CACNA1A: variants seen among roughly 807,000 people sequenced by gnomAD.
The protein encoded by CACNA1A is voltage-dependent P/Q-type calcium channel subunit alpha-1A.
CACNA1A carries 57 observed loss-of-function variants against 262.4 expected under a neutral mutation model. The ratio of observed to expected loss-of-function variants is 0.22; its 90% confidence interval spans 0.18 to 0.27. The LOEUF (loss-of-function observed/expected upper bound fraction) is 0.27. Among genes scored for constraint, CACNA1A ranks in the 10% least tolerant of loss-of-function variants. The probability of loss-of-function intolerance (pLI) is 1.00; values close to 1 mark genes in which losing one functional copy is unlikely to be tolerated. For synonymous variants in CACNA1A, 1,431 were observed against 1,419.3 expected (o/e 1.01, Z -0.18); for missense variants, 2,526 against 3,562.8 (o/e 0.71, Z 7.41).
At chr19:13,335,959 T>C (rs2058558506) in intron 6 of CACNA1A, 50 bp from the exon 7 acceptor site, 2 of 1,100,136 alleles carry the variant, frequency 1.8e-6, no homozygotes, top group Non-Finnish European at 2.7e-6. Flanking sequence ...GGGACTCAGA[T>C]AGAACCTGAC....
chr19:13,339,755 T>C (rs1405287706), intron 6 of CACNA1A, among the ~76,000 whole-genome samples: 3 of 150,782 alleles, frequency 2.0e-5, no homozygotes, highest in Non-Finnish European at 2.9e-5. Flanking sequence ...TTTTATGTCA[T>C]GTGTGTTTTG....
intron 4 of CACNA1A, among the ~76,000 whole-genome samples, chr19:13,369,422 G>C (rs1364926645): frequency 6.6e-6 from 1 of 152,116 alleles, no homozygotes; most frequent in East Asian, 1.9e-4. Flanking sequence ...ATCTCCTGCT[G>C]TCTCTCCCAA....
At chr19:13,344,736 TTTTA>T (rs5827191) in intron 6 of CACNA1A, among the ~76,000 whole-genome samples, 68,431 of 135,292 alleles carry the variant, frequency 0.51, 16,571 homozygotes, top group Non-Finnish European at 0.56. Context: ...GGATCATTTA[TTTTA>T]TTTATTTATT....
At chr19:13,251,777 T>C (rs2056405832) in intron 30 of CACNA1A, among the ~76,000 whole-genome samples, 1 of 152,128 alleles carries the variant, frequency 6.6e-6, no homozygotes, top group Non-Finnish European at 1.5e-5. Context: ...TTTTTATTAT[T>C]ATTATTTTTT....
chr19:13,495,627 C>G (rs1360329310), intron 1 of CACNA1A, among the ~76,000 whole-genome samples: 19 of 152,142 alleles, frequency 1.2e-4, no homozygotes, highest in Admixed American at 9.2e-4. Context: ...GGAAAAGGTA[C>G]AAATAAGGTG....
chr19:13,295,007 G>A (rs1349432885), intron 19 of CACNA1A, among the ~76,000 whole-genome samples: 1 of 152,156 alleles, frequency 6.6e-6, no homozygotes, highest in Non-Finnish European at 1.5e-5. Context: ...ACATGCTGTT[G>A]TTAGACTGAA....
At chr19:13,332,415 A>AAAAG (rs1367044758) in intron 9 of CACNA1A, among the ~76,000 whole-genome samples, 2 of 151,874 alleles carry the variant, frequency 1.3e-5, no homozygotes, top group Non-Finnish European at 2.9e-5. Context: ...AAAAAAAAAG[A>AAAAG]AAAGAAAGAA....
chr19:13,207,710 G>T lies in CACNA1A; in HGVS notation c.7124C>A (p.Ala2375Asp), dbSNP rs2054617959. Residue 2375 changes from alanine (A) to aspartate (D), a missense_variant, in exon 47 of 47, where the codon GCC (alanine) becomes GAC (aspartate). By Grantham distance (126) the Ala-to-Asp change is moderately radical (BLOSUM62 -2). Transcript: ENST00000360228. This position sits in a 1 kb window ranked among gnomAD's most constrained non-coding sequence, Gnocchi z 5.7. ...PRMERRVPGPARSESPRACRH... is the reference protein window; with the variant it reads ...PRMERRVPGPDRSESPRACRH... ...ACAGGCCCTGGGGGACTCGCTCCGG[G>T]CCGGGCCTGGGACCCGCCTCTCCAT... 7.3e-7 allele frequency: 1 copy of T among 1,362,724 alleles called. No homozygotes were observed. Among genetic ancestry groups the T allele is most frequent in the African/African-American group, 1.5e-5 (1 of 65,542 alleles). 84.4% of individuals were successfully genotyped at this position (1,362,724 alleles called of 1,614,324 possible).
At chr19:13,457,020 T>G (rs919534597) in intron 1 of CACNA1A, among the ~76,000 whole-genome samples, 29 of 150,924 alleles carry the variant, frequency 1.9e-4, no homozygotes, top group African/African-American at 6.3e-4. Flanking sequence ...GAGGCCGAGG[T>G]AGGAGGATTA....
At chr19:13,238,251 T>C (rs2055945554) in intron 31 of CACNA1A, among the ~76,000 whole-genome samples, 1 of 152,150 alleles carries the variant, frequency 6.6e-6, no homozygotes, top group Admixed American at 6.6e-5. Flanking sequence ...GAGGTGCAGC[T>C]TCCTCTCTTC....
At chr19:13,307,976 G>A (rs904259652) in intron 14 of CACNA1A, 122 bp from the exon 15 acceptor site, 10 of 1,384,378 alleles carry the variant, frequency 7.2e-6, no homozygotes, top group Admixed American at 3.7e-5. Flanking sequence ...GAAACCCTGA[G>A]TGGTACCCAG....
rs911466100 is a variant in CACNA1A, at chr19:13,288,406, G to C, written c.3090-1440C>G. On this transcript the variant is annotated intron_variant, in intron 19 of 46. Coordinates refer to ENST00000360228, the MANE Select transcript of CACNA1A (RefSeq NM_001127222.2). ...CAGCGTGCACCACAATACCCAGCTAGTTTTTCTATTTTCAGTAGAGACAGG... is the reference window on the plus strand; with the variant it reads ...CAGCGTGCACCACAATACCCAGCTACTTTTTCTATTTTCAGTAGAGACAGG... Among the ~76,000 whole-genome samples, 4 of 151,720 alleles carry C rather than the reference G, an allele frequency of 2.6e-5. No individual in the cohort carries two copies. The East Asian group carries it at 7.8e-4, about 29-fold the overall frequency.
rs181024112 is a variant in CACNA1A at position 13,298,807 on chromosome 19, G to A, written c.2826C>T (p.Ser942=). The A allele has an allele frequency of 1.1e-3, 1,651 of 1,561,392 alleles. 16 individuals carry two copies. The African/African-American group carries it at 0.02, about 19-fold the overall frequency. The change falls in exon 19 of 47, where the codon AGC becomes AGT. Residue 942 remains serine, a synonymous_variant. Transcript: ENST00000360228. ...CGCCCGTGCGCGGGGACCCGCTGCG[G>A]CTCTCCCTGCTGCCCCCCTGCCGGT... ...HVHRQGGSRE[S]RSGSPRTGAD... is the part of the protein sequence containing the mutation.
chr19:13,242,438 G>A (rs1279230630), intron 31 of CACNA1A, among the ~76,000 whole-genome samples: 1 of 152,110 alleles, frequency 6.6e-6, no homozygotes, highest in East Asian at 1.9e-4. Flanking sequence ...TGGGATTACA[G>A]GCACCTGCCA....
At chr19:13,393,582 TTCC>T (rs1377480422) in intron 3 of CACNA1A, among the ~76,000 whole-genome samples, 3 of 118,494 alleles carry the variant, frequency 2.5e-5, no homozygotes, top group Non-Finnish European at 3.7e-5. Flanking sequence ...CTTCTTCTTC[TTCC>T]TCCTCCTCTT....
At chr19:13,307,965 G>T in intron 14 of CACNA1A, 111 bp from the exon 15 acceptor site, 1 of 1,392,506 alleles carries the variant, frequency 7.2e-7, no homozygotes, top group Non-Finnish European at 1.0e-6. Context: ...TCTGTCCCCA[G>T]GAAACCCTGA....
chr19:13,259,117 C>G (rs2056650829), intron 27 of CACNA1A: 1 of 146,024 alleles, frequency 6.8e-6, no homozygotes. Flanking sequence ...TAAATAAAGA[C>G]TAAGTCCATG....
Position 13,254,050 on chromosome 19 carries a change from T to G in CACNA1A, c.4756-949A>C, listed in dbSNP as rs567916842. Among the ~76,000 whole-genome samples, 429 of 152,224 alleles carry G rather than the reference T, an allele frequency of 2.8e-3. 4 individuals carry two copies. Among genetic ancestry groups the G allele is most frequent in the Non-Finnish European group, 4.4e-3 (302 of 68,010 alleles). ...CACCTTGCCCGGCCACTATTGATCG[T>G]TTTTGAAGTGCCGAGAAGGAGCTAA... On this transcript the variant is annotated intron_variant, in intron 29 of 46. Transcript: ENST00000360228.
chr19:13,464,780 C>A (rs866660893), intron 1 of CACNA1A, among the ~76,000 whole-genome samples: 1 of 151,862 alleles, frequency 6.6e-6, no homozygotes, highest in Admixed American at 6.6e-5. Context: ...GATCTCCTGA[C>A]CTTGTGATCT....
Sources: allele counts gnomAD v4.1 joint callset (sites outside exome capture counted in the v4.1 genomes callset), GRCh38; gene constraint gnomAD v4.1.1; non-coding constraint Gnocchi (gnomAD v3.1); transcripts MANE v1.5; gene names NCBI Gene and HGNC (gene_info 2026-07-23, HGNC 2026-07-21).